The following TSHZ3 variants were observed in gnomAD, a reference collection of about 807,000 sequenced individuals.
TSHZ3 encodes the protein teashirt zinc finger homeobox 3.
Under a neutral mutation model 64.5 loss-of-function variants are expected in TSHZ3, and 10 were observed. The observed-to-expected ratio is 0.16, with a 90% confidence interval of 0.10 to 0.26. TSHZ3 has a LOEUF of 0.26. Among genes scored for constraint, TSHZ3 ranks in the 10% least tolerant of loss-of-function variants. The pLI, the probability that TSHZ3 is intolerant of heterozygous loss-of-function variation, is 1.00. For synonymous variants in TSHZ3, 608 were observed against 593.1 expected, an observed-to-expected ratio of 1.03 and a Z score of -0.36; for missense variants, 1,242 against 1,421.7, an observed-to-expected ratio of 0.87 and a Z score of 2.03.
At chr19:31,301,909 C>T (rs1465849563) in intron 1 of TSHZ3, among the ~76,000 whole-genome samples, 4 of 152,084 alleles carry the variant, frequency 2.6e-5, no homozygotes, top group African/African-American at 4.8e-5. Flanking sequence ...CCCAGATACA[C>T]GTCTGATGAA....
At chr19:31,340,408 C>T (rs1917396401) in intron 1 of TSHZ3, among the ~76,000 whole-genome samples, 1 of 129,886 alleles carries the variant, frequency 7.7e-6, no homozygotes, top group African/African-American at 2.9e-5. Flanking sequence ...AAACCTAAAG[C>T]AACACTCCCC....
chr19:31,236,827 C>G (rs552974626), intron 3 of TSHZ3, among the ~76,000 whole-genome samples: 1 of 152,278 alleles, frequency 6.6e-6, no homozygotes, highest in African/African-American at 2.4e-5. Flanking sequence ...AGAATTGAGT[C>G]AAGCAAAAAG....
intron 5 of TSHZ3, among the ~76,000 whole-genome samples, chr19:31,156,571 C>T (rs972536267): frequency 6.6e-6 from 1 of 152,110 alleles, no homozygotes. Flanking sequence ...TGCAGAAGCA[C>T]AAAGATCTTT....
At chr19:31,347,369 A>C (rs1456056134) in intron 1 of TSHZ3, among the ~76,000 whole-genome samples, 1 of 152,162 alleles carries the variant, frequency 6.6e-6, no homozygotes, top group African/African-American at 2.4e-5. Context: ...CTAGAGAGAG[A>C]GTTCTGAACC....
chr19:31,288,476 G>A (rs1976505160), intron 1 of TSHZ3, among the ~76,000 whole-genome samples: 1 of 152,180 alleles, frequency 6.6e-6, no homozygotes, highest in African/African-American at 2.4e-5. Flanking sequence ...ATGGCAGGAG[G>A]AGACAGGAGG....
At chr19:31,160,074 T>C (rs1338280545) in intron 5 of TSHZ3, among the ~76,000 whole-genome samples, 1 of 152,248 alleles carries the variant, frequency 6.6e-6, no homozygotes, top group African/African-American at 2.4e-5. Context: ...AGTGAGGGCT[T>C]ACAATGGGCC....
chr19:31,181,161 A>G (rs1974707866), intron 5 of TSHZ3, among the ~76,000 whole-genome samples: 1 of 152,020 alleles, frequency 6.6e-6, no homozygotes, highest in African/African-American at 2.4e-5. Flanking sequence ...TTTTTGAAGA[A>G]TCAAGCAGAA....
At chr19:31,192,545 A>G (rs1974926146) in intron 5 of TSHZ3, among the ~76,000 whole-genome samples, 1 of 152,158 alleles carries the variant, frequency 6.6e-6, no homozygotes, top group Admixed American at 6.5e-5. Flanking sequence ...GTTTACTTAT[A>G]TTTTATTTCT....
exon 7 of TSHZ3, among the ~76,000 whole-genome samples, chr19:31,151,430 C>G (rs77624511): frequency 0.014 from 2,077 of 152,236 alleles, 34 homozygotes; most frequent in East Asian, 0.068. Context: ...AGTAGAGAGA[C>G]CTGGCCTGAT....
Position 31,279,055 on chromosome 19 carries a change from G to A in TSHZ3, c.738C>T (p.Thr246=), listed in dbSNP as rs768854873. The A allele has an allele frequency of 5.7e-5, 92 of 1,613,898 alleles. No homozygotes were observed. In the Middle Eastern group the frequency reaches 8.2e-4, roughly 14 times the overall value. ...TGHYRDDNHE[T]DNNNPKRWSK... is the part of the protein sequence containing the mutation. Reference sequence around the variant, plus strand: ...ACCAGCGCTTGGGGTTGTTGTTATCGGTCTCATGGTTGTCGTCGCGGTAAT... The same window carrying A: ...ACCAGCGCTTGGGGTTGTTGTTATCAGTCTCATGGTTGTCGTCGCGGTAAT... The change falls in exon 2 of 2, where the codon ACC becomes ACT. Residue 246 remains threonine (T), a synonymous_variant. Coordinates refer to ENST00000240587, the MANE Select transcript of TSHZ3 (RefSeq NM_020856.4). The surrounding 1 kb of genome is among the most constrained non-coding windows in gnomAD (Gnocchi z 6.4).
At chr19:31,336,046 G>A (rs545479033) in intron 1 of TSHZ3, among the ~76,000 whole-genome samples, 5 of 152,304 alleles carry the variant, frequency 3.3e-5, no homozygotes, top group Non-Finnish European at 7.3e-5. Context: ...TAATATTCAA[G>A]CCTTTTTTCC....
chr19:31,168,691 C>T (rs772124417), intron 5 of TSHZ3, among the ~76,000 whole-genome samples: 15 of 152,206 alleles, frequency 9.9e-5, no homozygotes, highest in African/African-American at 1.7e-4. Flanking sequence ...TAGATTTTGA[C>T]ACCACTTAAC....
chr19:31,332,867 A>G (rs1917132472), intron 1 of TSHZ3, among the ~76,000 whole-genome samples: 1 of 152,068 alleles, frequency 6.6e-6, no homozygotes, highest in Non-Finnish European at 1.5e-5. Context: ...GCACTTTTGG[A>G]GACCGAGGAG....
chr19:31,313,349 TATCA>T (rs1334698979), intron 1 of TSHZ3, among the ~76,000 whole-genome samples: 1 of 152,252 alleles, frequency 6.6e-6, no homozygotes, highest in African/African-American at 2.4e-5. Flanking sequence ...AGTGAGCCAT[TATCA>T]ATCACAGACA....
chr19:31,287,415 T>C (rs948731616), intron 1 of TSHZ3, among the ~76,000 whole-genome samples: 1 of 152,054 alleles, frequency 6.6e-6, no homozygotes, highest in Admixed American at 6.5e-5. Context: ...CCTCTGGTCA[T>C]CCATCCATAA....
chr19:31,268,735 G>T (rs757483336), intron 1 of TSHZ3, among the ~76,000 whole-genome samples: 1 of 152,108 alleles, frequency 6.6e-6, no homozygotes, highest in Non-Finnish European at 1.5e-5. Flanking sequence ...GTGGGAGAAG[G>T]CCTCTGCTTT....
In TSHZ3 at chr19:31,166,218, A is replaced by C. The variant is rs574019469; in HGVS notation, n.810-9801T>G. ...GCCACTGAGAAGAGAGGGGAGCCTG[A>C]CCCTCGTGAAGGATTAACTACAGAA... On this transcript the variant is annotated intron_variant and non_coding_transcript_variant, in intron 5 of 6. Coordinates refer to the TSHZ3 transcript ENST00000651361. 2.9e-4 allele frequency among the ~76,000 whole-genome samples: 44 copies of C among 152,296 alleles called. 1 individual carries two copies. The highest frequency in any genetic ancestry group is 1.0e-3 in the African/African-American group (43 of 41,558).
chr19:31,339,316 G>A (rs571296034), intron 1 of TSHZ3, among the ~76,000 whole-genome samples: 298 of 152,108 alleles, frequency 2.0e-3, no homozygotes, highest in African/African-American at 6.8e-3. Flanking sequence ...TGGTTTAGCA[G>A]ATAATATGAA....
chr19:31,154,391 C>A (rs541230255), intron 6 of TSHZ3, among the ~76,000 whole-genome samples: 1 of 152,278 alleles, frequency 6.6e-6, no homozygotes, highest in Admixed American at 6.5e-5. Context: ...CCCAAATGAC[C>A]AAGATAGATA....
Sources: gnomAD v4.1 joint callset for allele counts (sites outside exome capture counted in the v4.1 genomes callset) on GRCh38, gnomAD v4.1.1 for gene constraint, Gnocchi (gnomAD v3.1) non-coding constraint, MANE v1.5 for transcripts, NCBI Gene and HGNC (gene_info 2026-07-23, HGNC 2026-07-21) for gene names.